Variants in PATJ observed in about 807,000 individuals in gnomAD.
PATJ encodes the protein inaD-like protein.
A neutral mutation model predicts 224.9 loss-of-function variants in PATJ; 190 were observed. The observed-to-expected ratio is 0.84, with a 90% CI of 0.75 to 0.95. The LOEUF (loss-of-function observed/expected upper bound fraction) is 0.95. PATJ is among the 40% of genes least tolerant of loss of function. The pLI is 0.00. For synonymous variants in PATJ, 769 were observed against 820.3 expected (o/e 0.94, Z 1.07); for missense variants, 2,121 against 2,270.3 (o/e 0.93, Z 1.34).
intron 31 of PATJ, among the ~76,000 whole-genome samples, chr1:62,067,974 T>C (rs1053916513): frequency 6.6e-6 from 1 of 152,194 alleles, no homozygotes; most frequent in Non-Finnish European, 1.5e-5. Flanking sequence ...CTAATTTTTG[T>C]ATTTTTTGTA....
At chr1:62,090,226 A>G (rs1411604293) in intron 33 of PATJ, among the ~76,000 whole-genome samples, 1 of 152,164 alleles carries the variant, frequency 6.6e-6, no homozygotes, top group African/African-American at 2.4e-5. Context: ...CCCAATCCTC[A>G]ATGACAGACT....
intron 27 of PATJ, among the ~76,000 whole-genome samples, chr1:61,985,310 C>A (rs1569642307): frequency 6.7e-6 from 1 of 150,012 alleles, no homozygotes. Flanking sequence ...GACTCTGACT[C>A]AAAAAAAAAG....
intron 14 of PATJ, among the ~76,000 whole-genome samples, chr1:61,810,240 C>G (rs971593023): frequency 6.6e-6 from 1 of 152,030 alleles, no homozygotes; most frequent in Non-Finnish European, 1.5e-5. Flanking sequence ...GTGACTGTGT[C>G]GGCCAACTGA....
chr1:61,884,176 T>C, intron 21 of PATJ, 61 bp from the exon 22 acceptor site: 3 of 1,351,254 alleles, frequency 2.2e-6, no homozygotes, highest in Non-Finnish European at 3.0e-6. Flanking sequence ...ACCTAGTTGT[T>C]GAATGACTAA....
At chr1:61,847,125 C>G (rs1662093840) in intron 17 of PATJ, among the ~76,000 whole-genome samples, 1 of 151,998 alleles carries the variant, frequency 6.6e-6, no homozygotes, top group Non-Finnish European at 1.5e-5. Flanking sequence ...GTATCTAATA[C>G]AGAAAGAAGT....
intron 4 of PATJ, among the ~76,000 whole-genome samples, chr1:61,768,768 T>C (rs1273607576): frequency 1.3e-5 from 2 of 150,418 alleles, no homozygotes; most frequent in Non-Finnish European, 3.0e-5. Flanking sequence ...GGCATGGTGG[T>C]GCATGCCTAT....
At chr1:61,883,687 C>T (rs1481236881) in intron 21 of PATJ, among the ~76,000 whole-genome samples, 5 of 147,772 alleles carry the variant, frequency 3.4e-5, no homozygotes, top group African/African-American at 1.2e-4. Flanking sequence ...ATCCGGGAGG[C>T]GGAGGTTGCA....
At chr1:61,769,946 A>G (rs1570377886) in intron 5 of PATJ, among the ~76,000 whole-genome samples, 2 of 152,140 alleles carry the variant, frequency 1.3e-5, no homozygotes, top group African/African-American at 4.8e-5. Flanking sequence ...GTTATCTCCC[A>G]TGTTTGCATT....
intron 20 of PATJ, among the ~76,000 whole-genome samples, chr1:61,866,715 A>C (rs1665480991): frequency 6.6e-6 from 1 of 152,198 alleles, no homozygotes; most frequent in African/African-American, 2.4e-5. Context: ...CCAGATGCCA[A>C]GAGAGGGTTC....
chr1:61,954,755 G>GTT (rs1553219493), intron 27 of PATJ, among the ~76,000 whole-genome samples: 1,347 of 74,252 alleles, frequency 0.018, 35 homozygotes, highest in African/African-American at 0.045. Context: ...AAACTCTATT[G>GTT]TTTTTTTTTT....
At chr1:61,882,199 G>A (rs1168345065) in intron 21 of PATJ, among the ~76,000 whole-genome samples, 1 of 152,100 alleles carries the variant, frequency 6.6e-6, no homozygotes, top group Non-Finnish European at 1.5e-5. Context: ...GCAGTAAAAA[G>A]AAATAGAGAA....
At chr1:62,054,363 C>CA (rs555679094) in intron 31 of PATJ, 17,940 of 338,928 alleles carry the variant, frequency 0.053, no homozygotes, top group South Asian at 0.082. Context: ...ACCCTGTGTC[C>CA]AAAAAAAAAA....
chr1:62,116,743 T>G, intron 36 of PATJ, 64 bp downstream of exon 36: 1 of 1,468,776 alleles, frequency 6.8e-7, no homozygotes, highest in South Asian at 1.3e-5. Flanking sequence ...ACTGTTCCAG[T>G]CTAGCTTGAT....
chr1:61,879,140 A>G (rs557271832), intron 21 of PATJ, among the ~76,000 whole-genome samples: 2 of 152,344 alleles, frequency 1.3e-5, no homozygotes, highest in Admixed American at 6.5e-5. Flanking sequence ...TCTTATAAAC[A>G]TGATAAAAAC....
chr1:62,063,156 C>T (rs909230454), intron 31 of PATJ, among the ~76,000 whole-genome samples: 16 of 152,136 alleles, frequency 1.1e-4, no homozygotes, highest in Admixed American at 3.3e-4. Context: ...ATTAAGTCTT[C>T]AATCCATCTT....
intron 31 of PATJ, among the ~76,000 whole-genome samples, chr1:62,054,014 AC>A (rs764206785): frequency 2.0e-5 from 3 of 152,174 alleles, no homozygotes; most frequent in Non-Finnish European, 2.9e-5. Context: ...GATAGACAGT[AC>A]ATCAATTAGC....
intron 17 of PATJ, among the ~76,000 whole-genome samples, chr1:61,847,920 G>A (rs1011167368): frequency 8.2e-5 from 12 of 146,272 alleles, no homozygotes; most frequent in Non-Finnish European, 1.5e-4. Context: ...AAGGAGACAT[G>A]CTGTCATATG....
intron 14 of PATJ, among the ~76,000 whole-genome samples, chr1:61,821,280 T>C (rs1020537852): frequency 6.6e-6 from 1 of 152,058 alleles, no homozygotes; most frequent in East Asian, 1.9e-4. Flanking sequence ...CACCTGACCT[T>C]GTGATCCTCC....
At chr1:61,770,794 C>T (rs1646556497) in intron 5 of PATJ, among the ~76,000 whole-genome samples, 5 of 151,690 alleles carry the variant, frequency 3.3e-5, no homozygotes, top group Admixed American at 3.3e-4. Context: ...CCTGTAGTCT[C>T]AGCTACTCGT....
Sources: gnomAD v4.1 joint callset for allele counts (sites outside exome capture counted in the v4.1 genomes callset) on GRCh38, gnomAD v4.1.1 for gene constraint, MANE v1.5 for transcripts, NCBI Gene and HGNC (gene_info 2026-07-23, HGNC 2026-07-21) for gene names.